TENM3: variants seen among roughly 807,000 people sequenced by gnomAD.
The protein encoded by TENM3 is teneurin-3.
TENM3 carries 63 observed loss-of-function variants against 255.1 expected under a neutral mutation model. The ratio of observed to expected loss-of-function variants is 0.25; its 90% CI spans 0.20 to 0.30. The LOEUF (loss-of-function observed/expected upper bound fraction) is 0.30. Among genes scored for constraint, TENM3 ranks in the 10% least tolerant of loss-of-function variants. TENM3 has a pLI of 1.00. For missense variants in TENM3, 2,929 were observed against 3,461.1 expected (o/e 0.85, Z 3.86); for synonymous variants, 1,306 against 1,322.3 (o/e 0.99, Z 0.27).
chr4:182,345,022 C>G (rs188038649), intron 2 of TENM3, among the ~76,000 whole-genome samples: 4 of 152,238 alleles, frequency 2.6e-5, no homozygotes, highest in Non-Finnish European at 5.9e-5. Flanking sequence ...TTCTTTTACT[C>G]TTCTTTTGAC....
intron 3 of TENM3, among the ~76,000 whole-genome samples, chr4:182,510,635 A>G (rs1481992345): frequency 1.3e-5 from 2 of 152,192 alleles, no homozygotes; most frequent in South Asian, 2.1e-4. Context: ...CCTTACCACT[A>G]GGAAGTGCAG....
chr4:182,445,538 G>A (rs1384430146), intron 3 of TENM3, among the ~76,000 whole-genome samples: 1 of 152,184 alleles, frequency 6.6e-6, no homozygotes, highest in African/African-American at 2.4e-5. Flanking sequence ...TAAGGAGAGA[G>A]AGGTCAGAAG....
chr4:182,740,061 T>C (rs759653326), intron 18 of TENM3, among the ~76,000 whole-genome samples: 2 of 152,078 alleles, frequency 1.3e-5, no homozygotes, highest in African/African-American at 4.8e-5. Context: ...AAGAAAATGC[T>C]AGTGCCTTCC....
At position 182,793,838 on chromosome 4, in the gene TENM3, A is replaced by G. The variant is rs746496484; in HGVS notation, c.7166A>G (p.Asn2389Ser). 2 of 1,612,868 alleles carry G rather than the reference A, an allele frequency of 1.2e-6. No homozygotes were observed. Among genetic ancestry groups the G allele is most frequent in the Non-Finnish European group, 8.5e-7 (1 of 1,179,260 alleles). Reference sequence around the variant, plus strand: ...CCTTTTAACTTGTACATGTTTAGGAATAACAACCCTGCAAGCAAAATCCAT... The same window carrying G: ...CCTTTTAACTTGTACATGTTTAGGAGTAACAACCCTGCAAGCAAAATCCAT... ...PAPFNLYMFRNNNPASKIHDV... is the reference protein window; with the variant it reads ...PAPFNLYMFRSNNPASKIHDV... Residue 2389 changes from asparagine (N) to serine (S), a missense_variant, in exon 26 of 28, where the codon AAT (asparagine) becomes AGT (serine). By Grantham distance (46) the Asn-to-Ser change is conservative. Coordinates refer to ENST00000511685, the MANE Select transcript of TENM3 (RefSeq NM_001080477.4). This position sits in a 1 kb window ranked among gnomAD's most constrained non-coding sequence, Gnocchi z 5.7.
chr4:182,092,648 A>G, the TENM3 span, among the ~76,000 whole-genome samples: 17 of 152,256 alleles, frequency 1.1e-4, no homozygotes, highest in African/African-American at 4.1e-4. Context: ...CCCTGACTCA[A>G]AAATAAAAAT....
chr4:182,028,223 T>C, the TENM3 span, among the ~76,000 whole-genome samples: 4 of 152,172 alleles, frequency 2.6e-5, no homozygotes, highest in Non-Finnish European at 5.9e-5. Flanking sequence ...TAAGAATTTG[T>C]CCATTTCTTC....
At chr4:182,154,400 A>G (rs547708743) in intron 1 of TENM3, among the ~76,000 whole-genome samples, 1 of 152,318 alleles carries the variant, frequency 6.6e-6, no homozygotes, top group Admixed American at 6.5e-5. Context: ...AGTTTTATCA[A>G]GTAGCACTAG....
chr4:182,223,711 G>A (rs1755977570), intron 1 of TENM3, among the ~76,000 whole-genome samples: 1 of 148,624 alleles, frequency 6.7e-6, no homozygotes, highest in Non-Finnish European at 1.5e-5. Context: ...CTGTAATATT[G>A]AGTGTGTGTG....
intron 4 of TENM3, among the ~76,000 whole-genome samples, chr4:182,625,487 C>A (rs1369458654): frequency 6.6e-6 from 1 of 152,172 alleles, no homozygotes; most frequent in Non-Finnish European, 1.5e-5. Flanking sequence ...ATCCTCCCCA[C>A]CCCCCTATTC....
chr4:181,769,134 A>C, the TENM3 span, among the ~76,000 whole-genome samples: 7 of 152,192 alleles, frequency 4.6e-5, no homozygotes, highest in African/African-American at 4.8e-5. Context: ...GGGGTCGTTT[A>C]AGTCAGCTTT....
the TENM3 span, among the ~76,000 whole-genome samples, chr4:181,651,027 A>G: frequency 0.08 from 12,247 of 152,248 alleles, 664 homozygotes; most frequent in South Asian, 0.16. Flanking sequence ...CCGGCCTTCT[A>G]TCAAGCATGA....
At chr4:181,587,048 A>G in the TENM3 span, among the ~76,000 whole-genome samples, 2 of 152,064 alleles carry the variant, frequency 1.3e-5, no homozygotes, top group African/African-American at 2.4e-5. Context: ...CTTCTCCACC[A>G]TTTCTACTGT....
At chr4:182,258,720 C>T (rs565510839) in intron 1 of TENM3, among the ~76,000 whole-genome samples, 1 of 152,302 alleles carries the variant, frequency 6.6e-6, no homozygotes, top group Admixed American at 6.5e-5. Flanking sequence ...TTACAACCAT[C>T]TTACAAAATC....
chr4:182,296,023 C>T (rs548983665), intron 1 of TENM3, among the ~76,000 whole-genome samples: 1 of 152,242 alleles, frequency 6.6e-6, no homozygotes, highest in East Asian at 1.9e-4. Flanking sequence ...GTGATCTCAG[C>T]CCACCTCAGC....
At chr4:182,295,125 C>T (rs1191508951) in intron 1 of TENM3, among the ~76,000 whole-genome samples, 7 of 151,756 alleles carry the variant, frequency 4.6e-5, no homozygotes, top group African/African-American at 1.7e-4. Flanking sequence ...GCATTCATTC[C>T]TGTAATATTT....
chr4:182,490,640 G>GT (rs1469356472), intron 3 of TENM3, among the ~76,000 whole-genome samples: 1 of 152,138 alleles, frequency 6.6e-6, no homozygotes, highest in African/African-American at 2.4e-5. Flanking sequence ...AAAATACCCC[G>GT]TTATCTATGT....
the TENM3 span, among the ~76,000 whole-genome samples, chr4:181,733,122 T>TA: frequency 6.6e-6 from 1 of 152,198 alleles, no homozygotes; most frequent in South Asian, 2.1e-4. Flanking sequence ...CCTCTGGAAT[T>TA]AAAGTCATTA....
intron 3 of TENM3, among the ~76,000 whole-genome samples, chr4:182,376,710 C>T (rs1278397923): frequency 1.3e-5 from 2 of 151,202 alleles, no homozygotes; most frequent in South Asian, 2.1e-4. Context: ...GAAACCAGAG[C>T]GATGGCCATT....
chr4:182,015,600 G>T, the TENM3 span, among the ~76,000 whole-genome samples: 1 of 150,962 alleles, frequency 6.6e-6, no homozygotes, highest in South Asian at 2.1e-4. Context: ...TCACTCTGTC[G>T]CCCAGGCTGG....
Sources: allele counts gnomAD v4.1 joint callset (sites outside exome capture counted in the v4.1 genomes callset), GRCh38; gene constraint gnomAD v4.1.1; non-coding constraint Gnocchi (gnomAD v3.1); transcripts MANE v1.5; gene names NCBI Gene and HGNC (gene_info 2026-07-23, HGNC 2026-07-21).